GTF2IRD2B: variants seen among roughly 807,000 people sequenced by gnomAD.
The protein encoded by GTF2IRD2B is general transcription factor II-I repeat domain-containing protein 2B.
A neutral mutation model predicts 55.6 loss-of-function variants in GTF2IRD2B; 10 were observed. That is an observed-to-expected ratio of 0.18 (90% CI 0.11 to 0.31). The LOEUF (loss-of-function observed/expected upper bound fraction) is 0.31, where lower values mean the gene tolerates loss of function less well. GTF2IRD2B is among the 10% of genes least tolerant of loss of function. The pLI is 1.00. For missense variants in GTF2IRD2B, 206 were observed against 802.7 expected (o/e 0.26, Z 8.98); for synonymous variants, 107 against 320.5 (o/e 0.33, Z 7.12).
At chr7:75,102,872 C>T (rs1286234439) in intron 1 of GTF2IRD2B, among the ~76,000 whole-genome samples, 1 of 151,582 alleles carries the variant, frequency 6.6e-6, no homozygotes, top group Non-Finnish European at 1.5e-5. Context: ...GGCAGAAGAA[C>T]TGCTTGAACC....
intron 11 of GTF2IRD2B, 138 bp from the exon 12 acceptor site, chr7:75,138,808 AGAGT>A (rs1248771574): frequency 2.2e-5 from 1 of 46,154 alleles, no homozygotes; most frequent in African/African-American, 1.1e-4. Context: ...CCTGAATGAC[AGAGT>A]AAGAACCTGT....
chr7:75,130,575 T>C (rs2115806981), intron 8 of GTF2IRD2B, among the ~76,000 whole-genome samples: 1 of 152,134 alleles, frequency 6.6e-6, no homozygotes, highest in East Asian at 1.9e-4. Context: ...CCCCCCGGGT[T>C]CAAGTGATTC....
intron 3 of GTF2IRD2B, 61 bp downstream of exon 3, chr7:75,112,596 C>T: frequency 1.2e-6 from 1 of 810,514 alleles, no homozygotes; most frequent in Non-Finnish European, 2.0e-6. Flanking sequence ...GGCAAGACTT[C>T]CACAGTATTT....
Position 75,149,479 on chromosome 7 carries a change from C to G in GTF2IRD2B, c.*182C>G. The G allele has an allele frequency of 5.1e-6, 3 of 587,158 alleles. No homozygotes were observed. The highest frequency in any genetic ancestry group is 3.0e-6 in the Non-Finnish European group (1 of 329,522). The allele number at this position is 587,158 out of a possible 1,614,324, so 36.4% of individuals were successfully genotyped here. A position where few individuals can be genotyped will look rare whatever the true frequency, so the allele number is the denominator to read the frequency against. On this transcript the variant is annotated 3_prime_UTR_variant, in exon 16 of 16. Transcript: ENST00000472837. ...TACTGCAACTTCCAGCTCCTGGGTT[C>G]GAACGATTCTCCTGCCTCAGCCTCC...
rs782439047 is a variant in GTF2IRD2B, at chr7:75,148,285, T to G, written c.1838T>G (p.Leu613Ter). 3 of 1,613,622 alleles carry G rather than the reference T, an allele frequency of 1.9e-6. No homozygotes were observed. In the East Asian group the frequency reaches 6.7e-5, roughly 36 times the overall value. ...AAGTTCTGTATCAACTGGTCGAGAT[T>G]AGTAAGCGTGGCCTCCACTGGCACC... ...LKKFCINWSR[L>*]VSVASTGTPA... The change falls in exon 16 of 16, where the codon TTA (leucine) becomes TGA (stop). Residue 613 changes from leucine (L) to a stop codon, truncating the protein, a stop_gained. Transcript: ENST00000472837. LOFTEE classifies it high-confidence loss of function.
At chr7:75,130,390 G>A (rs1808635737) in intron 8 of GTF2IRD2B, among the ~76,000 whole-genome samples, 1 of 64,386 alleles carries the variant, frequency 1.6e-5, no homozygotes, top group Non-Finnish European at 3.1e-5. Context: ...TGTTGCCCAG[G>A]CTGGTCTCAA....
intron 4 of GTF2IRD2B, among the ~76,000 whole-genome samples, chr7:75,121,447 C>A (rs1554536531): frequency 8.6e-5 from 13 of 151,026 alleles, no homozygotes; most frequent in Non-Finnish European, 1.6e-4. Flanking sequence ...GCTTATCAAG[C>A]GAGGAGCTAG....
At chr7:75,142,309 TA>T (rs1430531928) in intron 13 of GTF2IRD2B, among the ~76,000 whole-genome samples, 172 bp from the exon 14 acceptor site, 1 of 120,374 alleles carries the variant, frequency 8.3e-6, no homozygotes, top group African/African-American at 3.0e-5. Flanking sequence ...CACGCCCAGC[TA>T]ATTTTTGTAT....
intron 1 of GTF2IRD2B, among the ~76,000 whole-genome samples, chr7:75,106,692 C>T (rs1331544781): frequency 2.2e-5 from 2 of 92,128 alleles, no homozygotes; most frequent in African/African-American, 3.6e-5. Flanking sequence ...GGCTTAAGCC[C>T]AGGAATTTGA....
chr7:75,106,466 A>G (rs1359391917), intron 1 of GTF2IRD2B, among the ~76,000 whole-genome samples: 213 of 149,654 alleles, frequency 1.4e-3, no homozygotes, highest in African/African-American at 5.0e-3. Flanking sequence ...TTGCTTACAA[A>G]TAGAATTAAG....
intron 3 of GTF2IRD2B, among the ~76,000 whole-genome samples, chr7:75,115,870 A>G (rs1279866607): frequency 1.3e-4 from 20 of 151,644 alleles, no homozygotes; most frequent in African/African-American, 4.6e-4. Context: ...ATCCATGAAC[A>G]TGAGATGTCT....
chr7:75,102,636 G>T (rs1554449647), intron 1 of GTF2IRD2B, among the ~76,000 whole-genome samples: 1 of 151,544 alleles, frequency 6.6e-6, no homozygotes, highest in African/African-American at 2.4e-5. Flanking sequence ...TCCAGCCTGG[G>T]TGACATTGTG....
In GTF2IRD2B at chr7:75,123,730, T is replaced by C. The variant is rs587710654; in HGVS notation, c.571+214T>C. On this transcript the variant is annotated intron_variant, in intron 6 of 15. Transcript: ENST00000472837. ...CTGTACTAAAAATACGAAAAAAAAT[T>C]AGCCGGGCGTGGTGGCGGGCGCCTG... 1,327 of 611,422 alleles carry C rather than the reference T, an allele frequency of 2.2e-3. 21 individuals are homozygous for C. Among genetic ancestry groups the C allele is most frequent in the Admixed American group, 3.5e-3 (146 of 41,218 alleles). The allele number at this position is 611,422 out of a possible 1,614,324, so 37.9% of individuals were successfully genotyped here.
chr7:75,127,379 G>A (rs1808554534), intron 8 of GTF2IRD2B, among the ~76,000 whole-genome samples: 1 of 148,346 alleles, frequency 6.7e-6, no homozygotes, highest in Non-Finnish European at 1.5e-5. Flanking sequence ...TGAGGTGGGA[G>A]GATCGCTTAA....
chr7:75,117,387 C>T (rs1250355676), intron 3 of GTF2IRD2B, among the ~76,000 whole-genome samples: 4 of 152,384 alleles, frequency 2.6e-5, no homozygotes, highest in African/African-American at 7.2e-5. Context: ...CCCAGCTACT[C>T]GGGAGGGAGA....
At chr7:75,118,135 C>G (rs1554537013) in intron 3 of GTF2IRD2B, among the ~76,000 whole-genome samples, 1 of 151,828 alleles carries the variant, frequency 6.6e-6, no homozygotes, top group African/African-American at 2.4e-5. Context: ...AAGGAGGTTT[C>G]GCAGTGAATT....
At chr7:75,112,084 A>C (rs1308727018) in intron 2 of GTF2IRD2B, among the ~76,000 whole-genome samples, 2 of 26,772 alleles carry the variant, frequency 7.5e-5, no homozygotes, top group African/African-American at 1.6e-4. Context: ...TCTACTAAAA[A>C]TACACACACA....
intron 1 of GTF2IRD2B, among the ~76,000 whole-genome samples, chr7:75,105,948 G>T (rs1807787849): frequency 6.6e-6 from 1 of 152,312 alleles, no homozygotes; most frequent in Non-Finnish European, 1.5e-5. Flanking sequence ...GAGGAAGAGA[G>T]TGTGGCAAAA....
At chr7:75,113,472 CA>C (rs1421551879) in intron 3 of GTF2IRD2B, among the ~76,000 whole-genome samples, 1 of 96,272 alleles carries the variant, frequency 1.0e-5, no homozygotes, top group Admixed American at 1.2e-4. Context: ...CTAAAAAATA[CA>C]AAAAAAAATT....
Sources: gnomAD v4.1 joint callset for allele counts (sites outside exome capture counted in the v4.1 genomes callset) on GRCh38, gnomAD v4.1.1 for gene constraint, MANE v1.5 for transcripts, NCBI Gene and HGNC (gene_info 2026-07-23, HGNC 2026-07-21) for gene names.